CLCN3: variants seen among roughly 807,000 people sequenced by gnomAD.
The protein encoded by CLCN3 is H(+)/Cl(-) exchange transporter 3.
In CLCN3, 16 loss-of-function variants were observed where a neutral mutation model predicts 83.4. That is an observed-to-expected ratio of 0.19 (90% confidence interval 0.13 to 0.29). CLCN3 has a LOEUF of 0.29. CLCN3 is among the 10% of genes least tolerant of loss of function. CLCN3 has a pLI of 1.00. For synonymous variants in CLCN3, 322 were observed against 346.2 expected (o/e 0.93, Z 0.78); for missense variants, 544 against 1,006.0 (o/e 0.54, Z 6.21).
intron 1 of CLCN3, among the ~76,000 whole-genome samples, chr4:169,632,280 T>A (rs770301732): frequency 6.6e-5 from 10 of 152,080 alleles, no homozygotes; most frequent in Non-Finnish European, 1.5e-4. Context: ...GAAAGATCAG[T>A]GAGTCTAGAG....
At chr4:169,627,038 G>C (rs146604564) in intron 1 of CLCN3, among the ~76,000 whole-genome samples, 2 of 152,252 alleles carry the variant, frequency 1.3e-5, no homozygotes, top group African/African-American at 4.8e-5. Context: ...ACTGCTGCTA[G>C]TGTTGGCTTA....
At chr4:169,663,937 GA>G (rs1731154373) in intron 2 of CLCN3, among the ~76,000 whole-genome samples, 1 of 152,178 alleles carries the variant, frequency 6.6e-6, no homozygotes, top group African/African-American at 2.4e-5. Flanking sequence ...AGAAATGATA[GA>G]AATCTCTTCT....
chr4:169,639,695 G>A (rs1330228310), intron 2 of CLCN3, among the ~76,000 whole-genome samples: 1 of 152,144 alleles, frequency 6.6e-6, no homozygotes, highest in Non-Finnish European at 1.5e-5. Flanking sequence ...CTCTCACTAT[G>A]GGTTAAGGCA....
At position 169,691,837 on chromosome 4, in the gene CLCN3, A is replaced by G. The variant is rs114182641; in HGVS notation, c.730-277A>G. 6.9e-3 allele frequency among the ~76,000 whole-genome samples: 1,057 copies of G among 152,282 alleles called. 7 individuals carry two copies. The highest frequency in any genetic ancestry group is 9.1e-3 in the Non-Finnish European group (617 of 68,014). ...TTATGTAATTATAATCCTTATAATT[A>G]AGGTCTGTATTCATTTTAACATGGC... On this transcript the variant is annotated intron_variant, in intron 6 of 12. Coordinates refer to ENST00000513761, the MANE Select transcript of CLCN3 (RefSeq NM_001829.4).
At chr4:169,694,682 T>C (rs1581259134) in intron 7 of CLCN3, among the ~76,000 whole-genome samples, 1 of 151,910 alleles carries the variant, frequency 6.6e-6, no homozygotes, top group East Asian at 1.9e-4. Flanking sequence ...CTACTAAAAA[T>C]ACAAAAATTA....
chr4:169,671,501 G>T (rs1731456241), intron 2 of CLCN3, among the ~76,000 whole-genome samples: 1 of 152,034 alleles, frequency 6.6e-6, no homozygotes, highest in South Asian at 2.1e-4. Context: ...AATGCATTTG[G>T]GGTTTAAAAC....
chr4:169,680,851 T>G (rs1343532158), intron 3 of CLCN3: 1 of 152,174 alleles, frequency 6.6e-6, no homozygotes, highest in Admixed American at 6.5e-5. Flanking sequence ...TATTTTGTAT[T>G]TATTTATTTA....
chr4:169,673,996 T>G (rs1731580388), intron 2 of CLCN3, among the ~76,000 whole-genome samples: 1 of 152,190 alleles, frequency 6.6e-6, no homozygotes, highest in South Asian at 2.1e-4. Context: ...TACCGTACAC[T>G]TCTACACTTT....
Position 169,631,326 on chromosome 4 carries a change from G to A in CLCN3, c.-16-4587G>A, listed in dbSNP as rs539532707. 1.8e-4 allele frequency among the ~76,000 whole-genome samples: 28 copies of A among 152,006 alleles called. 1 individual carries two copies. Among genetic ancestry groups the A allele is most frequent in the Admixed American group, 1.4e-3 (21 of 15,262 alleles). On this transcript the variant is annotated intron_variant, in intron 1 of 12. Transcript: ENST00000513761. ...GGAGACGGAGTCTTGCTCTGTTGTC[G>A]CCCAGGCTGGAGTGCAGTGGCGCAA... is the stretch of plus-strand genomic sequence containing the variant.
At chr4:169,679,566 C>G (rs1731843993) in intron 2 of CLCN3, among the ~76,000 whole-genome samples, 1 of 152,120 alleles carries the variant, frequency 6.6e-6, no homozygotes, top group African/African-American at 2.4e-5. Context: ...TTGTAGCGAG[C>G]CGAGATCACG....
intron 1 of CLCN3, among the ~76,000 whole-genome samples, chr4:169,632,461 G>A (rs768321091): frequency 6.6e-6 from 1 of 152,120 alleles, no homozygotes; most frequent in Non-Finnish European, 1.5e-5. Flanking sequence ...CAGGCGCGGT[G>A]GCTCAGGCCT....
rs146385626 is a variant in CLCN3 at position 169,683,435 on chromosome 4, C to T, written c.318+3228C>T. ...CCTTGAGCCTGGAAGTTCTAAGTTA[C>T]AGTGAATTATGATTGCACCACTGCC... On this transcript the variant is annotated intron_variant, in intron 3 of 12. Transcript: ENST00000513761. 6.3e-3 allele frequency among the ~76,000 whole-genome samples: 953 copies of T among 152,298 alleles called. 12 individuals carry two copies. The highest frequency in any genetic ancestry group is 0.022 in the African/African-American group (911 of 41,564).
intron 2 of CLCN3, among the ~76,000 whole-genome samples, chr4:169,677,338 G>A (rs1363643903): frequency 6.6e-6 from 1 of 152,062 alleles, no homozygotes; most frequent in Non-Finnish European, 1.5e-5. Flanking sequence ...CCCTTCACCT[G>A]TTTTGTAAAT....
At chr4:169,676,060 T>C (rs1006190134) in intron 2 of CLCN3, among the ~76,000 whole-genome samples, 35 of 152,360 alleles carry the variant, frequency 2.3e-4, no homozygotes, top group South Asian at 2.1e-4. Context: ...GTTATTAATA[T>C]GTTGTCTCAT....
intron 2 of CLCN3, among the ~76,000 whole-genome samples, chr4:169,679,123 C>G (rs1731810077): frequency 6.6e-6 from 1 of 151,766 alleles, no homozygotes; most frequent in African/African-American, 2.4e-5. Flanking sequence ...AGGGGCTCCT[C>G]ACTTCTCAGA....
At chr4:169,624,699 C>T (rs1773188906) in intron 1 of CLCN3, among the ~76,000 whole-genome samples, 1 of 152,166 alleles carries the variant, frequency 6.6e-6, no homozygotes. Flanking sequence ...ACAATAAAAA[C>T]TGTGTTCATA....
In CLCN3 at chr4:169,700,817, G is replaced by A. The variant is rs145954807; in HGVS notation, c.1563+3083G>A. 3.1e-3 allele frequency among the ~76,000 whole-genome samples: 477 copies of A among 152,228 alleles called. 3 individuals carry two copies. The highest frequency in any genetic ancestry group is 0.011 in the African/African-American group (452 of 41,558). On this transcript the variant is annotated intron_variant, in intron 9 of 12. Transcript: ENST00000513761. Reference sequence around the variant, plus strand: ...ATGCTGTAGTCTTATGTGTACAATAGCATTATGTCTTTTAAAAAAGTAATA... The same window carrying A: ...ATGCTGTAGTCTTATGTGTACAATAACATTATGTCTTTTAAAAAAGTAATA...
intron 11 of CLCN3, among the ~76,000 whole-genome samples, chr4:169,709,343 T>C (rs1458691506): frequency 6.6e-6 from 1 of 151,696 alleles, no homozygotes; most frequent in South Asian, 2.1e-4. Context: ...AAATGAGATG[T>C]CTCAGATTAA....
intron 2 of CLCN3, among the ~76,000 whole-genome samples, chr4:169,655,506 TG>T (rs1242954893): frequency 6.6e-6 from 1 of 152,206 alleles, no homozygotes; most frequent in Non-Finnish European, 1.5e-5. Context: ...TTTTTGTTTT[TG>T]TTTCTAAGAT....
Sources: gnomAD v4.1 joint callset for allele counts (sites outside exome capture counted in the v4.1 genomes callset) on GRCh38, gnomAD v4.1.1 for gene constraint, MANE v1.5 for transcripts, NCBI Gene and HGNC (gene_info 2026-07-23, HGNC 2026-07-21) for gene names.